Variants in TRPC7 observed in about 807,000 individuals in gnomAD.
TRPC7 encodes the protein short transient receptor potential channel 7.
A neutral mutation model predicts 90.1 loss-of-function variants in TRPC7; 42 were observed. The observed-to-expected ratio is 0.47, with a 90% CI of 0.36 to 0.60. The LOEUF is 0.60. Ranked by LOEUF, TRPC7 falls within the 20% of genes least tolerant of loss-of-function variation. The pLI, the probability that TRPC7 is intolerant of heterozygous loss-of-function variation, is 0.00. For synonymous variants in TRPC7, 451 were observed against 436.3 expected (o/e 1.03, Z -0.42); for missense variants, 955 against 1,112.3 (o/e 0.86, Z 2.01).
chr5:136,338,688 C>T (rs950688848), intron 2 of TRPC7, among the ~76,000 whole-genome samples: 1 of 152,160 alleles, frequency 6.6e-6, no homozygotes, highest in Admixed American at 6.5e-5. Flanking sequence ...AGATTTATGG[C>T]TTGTTGCATC....
chr5:136,266,822 G>A (rs1055042064), intron 4 of TRPC7, among the ~76,000 whole-genome samples: 1 of 152,214 alleles, frequency 6.6e-6, no homozygotes, highest in Admixed American at 6.5e-5. Context: ...CTACTCACTT[G>A]GGCTTCATTC....
At chr5:136,308,912 G>A (rs1212294306) in intron 3 of TRPC7, among the ~76,000 whole-genome samples, 1 of 152,202 alleles carries the variant, frequency 6.6e-6, no homozygotes, top group African/African-American at 2.4e-5. Flanking sequence ...TCTATTAATA[G>A]TTTCATCTGC....
chr5:136,356,825 G>A lies in TRPC7; in HGVS notation c.563C>T (p.Ala188Val), dbSNP rs201999319. 8.7e-6 allele frequency: 14 copies of A among 1,613,702 alleles called. No homozygotes were observed. The highest frequency in any genetic ancestry group is 1.2e-5 in the Non-Finnish European group (14 of 1,179,794). Residue 188 changes from alanine (A) to valine (V), a missense_variant, in exon 2 of 12, where the codon GCC (alanine) becomes GTC (valine). Coordinates refer to ENST00000513104, the MANE Select transcript of TRPC7 (RefSeq NM_020389.3). The part of the protein sequence containing the change: ...EIVHILLLKG[A>V]RIERPHDYFC... ...GTAGTCGTGGGGCCGCTCGATGCGGGCGCCCTTGAGCAGCAGGATGTGCAC... is the reference window on the plus strand; with the variant it reads ...GTAGTCGTGGGGCCGCTCGATGCGGACGCCCTTGAGCAGCAGGATGTGCAC...
At chr5:136,285,358 T>C (rs1416804492) in intron 3 of TRPC7, among the ~76,000 whole-genome samples, 1 of 152,184 alleles carries the variant, frequency 6.6e-6, no homozygotes, top group African/African-American at 2.4e-5. Context: ...CCATTTAAAT[T>C]GCAGCATCAG....
Position 136,248,557 on chromosome 5 carries a change from G to A in TRPC7, c.1580-822C>T, listed in dbSNP as rs115678235. Among the ~76,000 whole-genome samples, 1,454 of 152,276 alleles carry A rather than the reference G, an allele frequency of 9.5e-3. 14 individuals are homozygous for A. Among genetic ancestry groups the A allele is most frequent in the Non-Finnish European group, 0.016 (1,094 of 68,022 alleles). On this transcript the variant is annotated intron_variant, in intron 6 of 11. Transcript: ENST00000513104. The stretch of plus-strand genomic sequence containing the variant: ...AATACTCTTGGGTTTTGTTCCTCAG[G>A]TACTGTGTGCTGGGATATTGCTCCT...
At chr5:136,304,078 A>G (rs934139453) in intron 3 of TRPC7, among the ~76,000 whole-genome samples, 3 of 151,824 alleles carry the variant, frequency 2.0e-5, no homozygotes, top group African/African-American at 7.3e-5. Context: ...TTAGGCTGAG[A>G]CACTTTAACT....
At chr5:136,305,117 T>C (rs897538971) in intron 3 of TRPC7, among the ~76,000 whole-genome samples, 2 of 152,340 alleles carry the variant, frequency 1.3e-5, no homozygotes, top group African/African-American at 4.8e-5. Flanking sequence ...ACTCACTCTT[T>C]GTTAAGTCCC....
chr5:136,345,971 T>G (rs1170885717), intron 2 of TRPC7, among the ~76,000 whole-genome samples: 1 of 152,180 alleles, frequency 6.6e-6, no homozygotes, highest in Non-Finnish European at 1.5e-5. Context: ...TTTCCCCATT[T>G]CTTGTTTTTG....
At chr5:136,293,911 CA>C (rs1289155612) in intron 3 of TRPC7, among the ~76,000 whole-genome samples, 1 of 152,136 alleles carries the variant, frequency 6.6e-6, no homozygotes, top group Non-Finnish European at 1.5e-5. Flanking sequence ...CTACAGTAAC[CA>C]AAACAGCATG....
chr5:136,319,672 C>T (rs1351910047), intron 2 of TRPC7, among the ~76,000 whole-genome samples: 1 of 152,108 alleles, frequency 6.6e-6, no homozygotes, highest in Non-Finnish European at 1.5e-5. Flanking sequence ...AAATCACGTT[C>T]ATGTTGCTAA....
intron 1 of TRPC7, among the ~76,000 whole-genome samples, chr5:136,362,299 T>C (rs1760591236): frequency 6.6e-6 from 1 of 152,192 alleles, no homozygotes; most frequent in Non-Finnish European, 1.5e-5. Context: ...CTGAGTAATT[T>C]ATGTACATTG....
intron 2 of TRPC7, among the ~76,000 whole-genome samples, chr5:136,324,463 TC>T (rs1037438255): frequency 6.6e-6 from 1 of 152,188 alleles, no homozygotes; most frequent in Non-Finnish European, 1.5e-5. Flanking sequence ...ACTATTTATT[TC>T]TTGCTCTCTG....
chr5:136,238,848 G>T (rs1022411452), intron 7 of TRPC7, among the ~76,000 whole-genome samples: 1 of 152,168 alleles, frequency 6.6e-6, no homozygotes, highest in Non-Finnish European at 1.5e-5. Flanking sequence ...AACATTTTAC[G>T]ATAGTAGAGT....
intron 2 of TRPC7, among the ~76,000 whole-genome samples, chr5:136,335,529 A>C (rs1759626221): frequency 6.6e-6 from 1 of 152,018 alleles, no homozygotes; most frequent in African/African-American, 2.4e-5. Flanking sequence ...TTTAGTGTGT[A>C]GACTTTTGCA....
chr5:136,307,250 T>G (rs1173103800), intron 3 of TRPC7, among the ~76,000 whole-genome samples: 1 of 152,228 alleles, frequency 6.6e-6, no homozygotes, highest in African/African-American at 2.4e-5. Flanking sequence ...CTTCTGTCTC[T>G]CTGAAACTTT....
chr5:136,365,257 A>C lies in TRPC7; in HGVS notation c.-3T>G. ...AGAACCATCATAGCTGCTTACATTGAGGGTGTAATACGCAGGCTTGTTCCT... is the reference window on the plus strand; with the variant it reads ...AGAACCATCATAGCTGCTTACATTGCGGGTGTAATACGCAGGCTTGTTCCT... On this transcript the variant is annotated 5_prime_UTR_variant, in exon 1 of 12. Transcript: ENST00000513104. The C allele has an allele frequency of 6.5e-7, 1 of 1,537,180 alleles. No individual in the cohort carries two copies. Among genetic ancestry groups the C allele is most frequent in the East Asian group, 2.4e-5 (1 of 40,922 alleles).
intron 2 of TRPC7, among the ~76,000 whole-genome samples, chr5:136,352,657 A>G (rs908553741): frequency 6.6e-6 from 1 of 152,168 alleles, no homozygotes; most frequent in African/African-American, 2.4e-5. Flanking sequence ...TCCAGCTCAC[A>G]CCAATCTTCC....
chr5:136,348,889 T>C (rs929927562), intron 2 of TRPC7, among the ~76,000 whole-genome samples: 3 of 152,322 alleles, frequency 2.0e-5, no homozygotes, highest in Admixed American at 1.3e-4. Flanking sequence ...ATTGTAATTA[T>C]TTTTTTCAGA....
chr5:136,347,851 G>A (rs989453494), intron 2 of TRPC7, among the ~76,000 whole-genome samples: 3 of 152,190 alleles, frequency 2.0e-5, no homozygotes, highest in Non-Finnish European at 4.4e-5. Context: ...CCACTGTGAA[G>A]CACTGAGAGG....
Sources: allele counts gnomAD v4.1 joint callset (sites outside exome capture counted in the v4.1 genomes callset), GRCh38; gene constraint gnomAD v4.1.1; transcripts MANE v1.5; gene names NCBI Gene and HGNC (gene_info 2026-07-23, HGNC 2026-07-21).